The following ATP8A1 variants were observed in gnomAD, a reference collection of about 807,000 sequenced individuals.
ATP8A1 encodes phospholipid-transporting ATPase IA.
Under a neutral mutation model 177.7 loss-of-function variants are expected in ATP8A1, and 90 were observed. The ratio of observed to expected loss-of-function variants is 0.51; its 90% CI spans 0.43 to 0.60. ATP8A1 has a LOEUF of 0.60. Among genes scored for constraint, ATP8A1 ranks in the 20% least tolerant of loss-of-function variants. The pLI, the probability that ATP8A1 is intolerant of heterozygous loss-of-function variation, is 0.00. For missense variants in ATP8A1, 1,072 were observed against 1,392.8 expected (o/e 0.77, Z 3.67); for synonymous variants, 493 against 485.9 (o/e 1.01, Z -0.19).
At chr4:42,470,930 A>G (rs755663447) in intron 25 of ATP8A1, among the ~76,000 whole-genome samples, 1 of 152,208 alleles carries the variant, frequency 6.6e-6, no homozygotes, top group African/African-American at 2.4e-5. Context: ...CAACTGACTC[A>G]TATTTTGTTG....
intron 33 of ATP8A1, among the ~76,000 whole-genome samples, chr4:42,428,350 CT>C (rs1163686316): frequency 6.6e-6 from 1 of 152,200 alleles, no homozygotes; most frequent in Non-Finnish European, 1.5e-5. Context: ...ACTGTCTTCC[CT>C]CCAAAGGCTG....
At chr4:42,458,609 G>A (rs892280641) in intron 27 of ATP8A1, among the ~76,000 whole-genome samples, 8 of 152,276 alleles carry the variant, frequency 5.3e-5, no homozygotes, top group Middle Eastern at 3.4e-3. Context: ...ATCTGTATTC[G>A]TCTGGCTGTA....
chr4:42,498,694 TA>T (rs202018154), intron 24 of ATP8A1, among the ~76,000 whole-genome samples: 2,208 of 146,302 alleles, frequency 0.015, 37 homozygotes, highest in Non-Finnish European at 0.021. Flanking sequence ...ATAATAATAC[TA>T]AAAAAAAAAA....
At chr4:42,654,242 T>C (rs142428935) in intron 1 of ATP8A1, among the ~76,000 whole-genome samples, 1 of 152,352 alleles carries the variant, frequency 6.6e-6, no homozygotes, top group African/African-American at 2.4e-5. Context: ...CCACAGGTCC[T>C]GCGTCCCCCA....
chr4:42,425,799 A>C (rs1468571140), intron 33 of ATP8A1, among the ~76,000 whole-genome samples: 1 of 152,032 alleles, frequency 6.6e-6, no homozygotes, highest in Non-Finnish European at 1.5e-5. Flanking sequence ...ATTTCTCCTA[A>C]TGTGGGAGAC....
intron 33 of ATP8A1, among the ~76,000 whole-genome samples, chr4:42,438,785 C>T (rs1326750922): frequency 1.3e-5 from 2 of 152,152 alleles, no homozygotes; most frequent in Admixed American, 6.5e-5. Flanking sequence ...CTAGCAGAAA[C>T]CAATGGGATT....
chr4:42,555,737 T>C (rs752455157), intron 16 of ATP8A1, among the ~76,000 whole-genome samples: 2 of 152,048 alleles, frequency 1.3e-5, no homozygotes, highest in African/African-American at 4.8e-5. Context: ...GCAGGAGAAA[T>C]GGCTTGATTC....
intron 16 of ATP8A1, among the ~76,000 whole-genome samples, chr4:42,552,947 T>C (rs543482326): frequency 2.4e-4 from 36 of 152,240 alleles, no homozygotes; most frequent in Non-Finnish European, 3.7e-4. Context: ...GATTGCAACA[T>C]TGTACTCTAG....
intron 29 of ATP8A1, among the ~76,000 whole-genome samples, chr4:42,452,507 A>G (rs1165010821): frequency 6.6e-6 from 1 of 152,190 alleles, no homozygotes; most frequent in Non-Finnish European, 1.5e-5. Flanking sequence ...TTATCAAGAG[A>G]TATAAAGATA....
rs981899019 is a variant in ATP8A1, at chr4:42,600,580, T to A, written c.410-62A>T. The A allele has an allele frequency of 3.4e-6, 5 of 1,484,362 alleles. No homozygotes were observed. The African/African-American group carries it at 5.7e-5, about 17-fold the overall frequency. 91.9% of individuals were successfully genotyped at this position (1,484,362 alleles called of 1,614,324 possible). A position where few individuals can be genotyped will look rare whatever the true frequency, so the allele number is the denominator to read the frequency against. ...TTTACTATGAAAAGGCCATTTCTGA[T>A]GAAATAATAATTTTAAACGAATAGC... On this transcript the variant is annotated intron_variant, in intron 5 of 36. Transcript: ENST00000381668.
At chr4:42,457,522 T>C (rs1417705771) in intron 27 of ATP8A1, among the ~76,000 whole-genome samples, 1 of 152,228 alleles carries the variant, frequency 6.6e-6, no homozygotes, top group Non-Finnish European at 1.5e-5. Flanking sequence ...TAACCTTTGT[T>C]GGTCTGAAGA....
chr4:42,647,293 A>G (rs1185152864), intron 1 of ATP8A1, among the ~76,000 whole-genome samples: 1 of 152,208 alleles, frequency 6.6e-6, no homozygotes, highest in Non-Finnish European at 1.5e-5. Context: ...GAAAAATTCT[A>G]GTAAATCCTA....
Position 42,444,610 on chromosome 4 carries a change from T to G in ATP8A1, c.2983A>C (p.Lys995Gln). Residue 995 changes from lysine (K) to glutamine (Q), a missense_variant, in exon 32 of 37, where the codon AAA (lysine) becomes CAA (glutamine). By Grantham distance (53) the Lys-to-Gln change is moderately conservative. Around this residue, in one of 5 missense-constraint regions of ATP8A1, gnomAD observed 316 missense variants for 459.1 expected, o/e 0.69. Coordinates refer to ENST00000381668, the MANE Select transcript of ATP8A1 (RefSeq NM_006095.2). The stretch of plus-strand genomic sequence containing the variant: ...CAATATGATGTCTCCAATCCAGCTT[T>G]CAAACACACAGTTATCACCACAAAC... ...YTFVVITVCL[K>Q]AGLETSYWTW... 1.9e-6 allele frequency: 3 copies of G among 1,614,050 alleles called. No homozygotes were observed. The highest frequency in any genetic ancestry group is 1.7e-6 in the Non-Finnish European group (2 of 1,179,970).
chr4:42,548,308 A>G (rs1560445441), intron 19 of ATP8A1, among the ~76,000 whole-genome samples: 2 of 152,340 alleles, frequency 1.3e-5, no homozygotes, highest in Non-Finnish European at 1.5e-5. Flanking sequence ...TGATGCCTCT[A>G]AACATAATTG....
At chr4:42,499,747 T>C (rs960939181) in intron 24 of ATP8A1, among the ~76,000 whole-genome samples, 2 of 152,180 alleles carry the variant, frequency 1.3e-5, no homozygotes, top group Admixed American at 6.5e-5. Context: ...ATAAATAATA[T>C]CGCATAAACC....
rs1735135234 is a variant in ATP8A1, at chr4:42,600,479, T to C, written c.449A>G (p.Lys150Arg). 2 of 1,608,698 alleles carry C rather than the reference T, an allele frequency of 1.2e-6. No individual in the cohort carries two copies. The highest frequency in any genetic ancestry group is 1.7e-6 in the Non-Finnish European group (2 of 1,177,486). ...NGAWEIVHWE[K>R]VAVGEIVKVT... ...AACAAAATAAAAATCAGTGCATACC[T>C]TTTCCCAGTGGACAATTTCCCAAGC... The change falls in exon 6 of 37, where the codon AAG becomes AGG. Residue 150 changes from lysine (K) to arginine (R), a missense_variant and splice_region_variant. Lys to Arg is a conservative substitution (Grantham distance 26). Transcript: ENST00000381668.
At chr4:42,433,476 C>G (rs1022884355) in intron 33 of ATP8A1, among the ~76,000 whole-genome samples, 2 of 152,134 alleles carry the variant, frequency 1.3e-5, no homozygotes, top group African/African-American at 4.8e-5. Flanking sequence ...GAATTGGGCT[C>G]TTACATGGGA....
chr4:42,521,653 C>A (rs1249988966), intron 22 of ATP8A1, among the ~76,000 whole-genome samples: 1 of 151,942 alleles, frequency 6.6e-6, no homozygotes, highest in Non-Finnish European at 1.5e-5. Context: ...AAAATGAGAA[C>A]ATTTACAGCT....
intron 15 of ATP8A1, 104 bp downstream of exon 15, chr4:42,569,056 TA>T (rs1731641039): frequency 3.9e-5 from 18 of 463,206 alleles, no homozygotes; most frequent in East Asian, 5.3e-5. Context: ...ATATTTTATT[TA>T]TATATATATA....
Sources: gnomAD v4.1 joint callset for allele counts (sites outside exome capture counted in the v4.1 genomes callset) on GRCh38, gnomAD v4.1.1 for gene constraint, gnomAD v4.1.1 regional missense constraint, MANE v1.5 for transcripts, NCBI Gene and HGNC (gene_info 2026-07-23, HGNC 2026-07-21) for gene names.